The following SLA variants were observed in gnomAD, a reference collection of about 807,000 sequenced individuals.
The protein encoded by SLA is Src like adaptor, also known as src-like-adapter.
Under a neutral mutation model 30.3 loss-of-function variants are expected in SLA, and 16 were observed. The observed-to-expected ratio is 0.53, with a 90% CI of 0.36 to 0.80. The LOEUF is 0.80. Ranked by LOEUF, SLA falls within the 30% of genes least tolerant of loss-of-function variation. SLA has a pLI of 0.01. For missense variants in SLA, 310 were observed against 345.2 expected (o/e 0.90, Z 0.81); for synonymous variants, 143 against 137.8 (o/e 1.04, Z -0.26).
At chr8:133,053,596 A>G (rs1365206267) in intron 3 of SLA, among the ~76,000 whole-genome samples, 2 of 152,160 alleles carry the variant, frequency 1.3e-5, no homozygotes, top group South Asian at 4.1e-4. Flanking sequence ...ACAATAATAG[A>G]ACCTTGAGGT....
At chr8:133,075,212 G>A (rs1299044628) in intron 1 of SLA, 82 bp from the exon 2 acceptor site, 1 of 790,674 alleles carries the variant, frequency 1.3e-6, no homozygotes, top group Non-Finnish European at 1.5e-6. Context: ...TGGAATTTCA[G>A]AAGCTTGGTC....
At chr8:133,095,243 CTCTGG>C (rs1483288913) in intron 1 of SLA, 9 of 1,613,942 alleles carry the variant, frequency 5.6e-6, no homozygotes, top group Non-Finnish European at 7.6e-6. Flanking sequence ...AAGGGACATT[CTCTGG>C]TCTTTTACAA....
Position 133,049,933 on chromosome 8 carries a change from G to A in SLA, c.217C>T (p.Pro73Ser), listed in dbSNP as rs147272641. The change falls in exon 5 of 9, where the codon CCT becomes TCT. Residue 73 changes from proline (P) to serine (S), a missense_variant. Transcript: ENST00000338087. ...SLSTGRESYIPGICVARVYHG... is the reference protein window; with the variant it reads ...SLSTGRESYISGICVARVYHG... ...TAAACTCTGGCCACACATATTCCAGGGATGTAACTCTCTCGACCAGTGCTA... is the reference window on the plus strand; with the variant it reads ...TAAACTCTGGCCACACATATTCCAGAGATGTAACTCTCTCGACCAGTGCTA... The A allele has an allele frequency of 3.7e-6, 6 of 1,613,256 alleles. No individual in the cohort carries two copies. The highest frequency in any genetic ancestry group is 5.1e-6 in the Non-Finnish European group (6 of 1,179,246).
At position 133,038,346 on chromosome 8, in the gene SLA, G is replaced by C; in HGVS notation, c.*178C>G. On this transcript the variant is annotated 3_prime_UTR_variant, in exon 9 of 9. Coordinates refer to ENST00000338087, the MANE Select transcript of SLA (RefSeq NM_001045556.3). The stretch of plus-strand genomic sequence containing the variant: ...AGCCCTGATCAGACACCAGGGAGGG[G>C]TTCCTTTGGTCATGATGTGGATAGA... 1.6e-6 allele frequency: 1 copy of C among 612,604 alleles called. No individual in the cohort carries two copies. Among genetic ancestry groups the C allele is most frequent in the Non-Finnish European group, 2.9e-6 (1 of 344,850 alleles). The allele number at this position is 612,604 out of a possible 1,614,324, so 37.9% of individuals were successfully genotyped here. A position where few individuals can be genotyped will look rare whatever the true frequency, so the allele number is the denominator to read the frequency against.
In SLA at chr8:133,079,917, C is replaced by T. The variant is rs553547556; in HGVS notation, c.-318-4787G>A. Reference sequence around the variant, plus strand: ...AGATCGCATACAAGATAGAAGTTCTCGAGAGTAAAGTTTTGCCCCCTCTAT... The same window carrying T: ...AGATCGCATACAAGATAGAAGTTCTTGAGAGTAAAGTTTTGCCCCCTCTAT... On this transcript the variant is annotated intron_variant, in intron 1 of 8. Coordinates refer to ENST00000338087, the MANE Select transcript of SLA (RefSeq NM_001045556.3). Among the ~76,000 whole-genome samples, 19 of 151,780 alleles carry T rather than the reference C, an allele frequency of 1.3e-4. No homozygotes were observed. The South Asian group carries it at 3.8e-3, about 30-fold the overall frequency.
chr8:133,080,496 T>C (rs1845583716), intron 1 of SLA, among the ~76,000 whole-genome samples: 1 of 152,134 alleles, frequency 6.6e-6, no homozygotes, highest in South Asian at 2.1e-4. Flanking sequence ...TCCCCGCCAA[T>C]GCTCCCTTCC....
intron 3 of SLA, chr8:133,059,082 T>C: frequency 2.2e-6 from 1 of 456,318 alleles, no homozygotes. Flanking sequence ...CGCAGGAACC[T>C]GGCTCAGTCC....
At chr8:133,076,415 C>A (rs966537474) in intron 1 of SLA, among the ~76,000 whole-genome samples, 1 of 152,236 alleles carries the variant, frequency 6.6e-6, no homozygotes, top group Non-Finnish European at 1.5e-5. Context: ...AGGCACTCTG[C>A]ACTAGAGAGA....
chr8:133,081,699 A>G (rs1367757154), intron 1 of SLA, among the ~76,000 whole-genome samples: 1 of 150,522 alleles, frequency 6.6e-6, no homozygotes, highest in Non-Finnish European at 1.5e-5. Flanking sequence ...ACCTAGACCC[A>G]CTGCCTCCAC....
intron 1 of SLA, among the ~76,000 whole-genome samples, chr8:133,091,542 G>C (rs983753061): frequency 6.6e-6 from 1 of 152,106 alleles, no homozygotes; most frequent in Admixed American, 6.5e-5. Flanking sequence ...ATGCTGCAGG[G>C]TCCATTTCAA....
chr8:133,037,801 T>A lies in SLA; in HGVS notation c.*723A>T, dbSNP rs186452814. ...CCATGGCTGCAGACATCAGGGAAGCTGGTGCAGTTCTAGTCTCGCCTCCTC... is the reference window on the plus strand; with the variant it reads ...CCATGGCTGCAGACATCAGGGAAGCAGGTGCAGTTCTAGTCTCGCCTCCTC... On this transcript the variant is annotated 3_prime_UTR_variant, in exon 9 of 9. Coordinates refer to ENST00000338087, the MANE Select transcript of SLA (RefSeq NM_001045556.3). 1 of 152,370 alleles carries A rather than the reference T, an allele frequency of 6.6e-6. No homozygotes were observed. Among genetic ancestry groups the A allele is most frequent in the Non-Finnish European group, 1.5e-5 (1 of 68,054 alleles). 9.4% of individuals were successfully genotyped at this position (152,370 alleles called of 1,614,324 possible). A position where few individuals can be genotyped will look rare whatever the true frequency, so the allele number is the denominator to read the frequency against.
At chr8:133,040,714 C>A (rs181516608) in intron 7 of SLA, among the ~76,000 whole-genome samples, 1 of 149,952 alleles carries the variant, frequency 6.7e-6, no homozygotes, top group African/African-American at 2.5e-5. Context: ...TGAAAGAGGG[C>A]GAGGAGGAAA....
Position 133,042,678 on chromosome 8 carries a change from C to CCTTTTTTTTTTTTTTT in SLA, c.484+2305_484+2306insAAAAAAAAAAAAAAAG, listed in dbSNP as rs1554706932. 8.1e-4 allele frequency among the ~76,000 whole-genome samples: 46 copies of CCTTTTTTTTTTTTTTT among 56,764 alleles called. 6 individuals carry two copies. The highest frequency in any genetic ancestry group is 2.4e-3 in the South Asian group (4 of 1,676). 37.2% of individuals were successfully genotyped at this position (56,764 alleles called of 152,430 possible). On this transcript the variant is annotated intron_variant, in intron 7 of 8. Transcript: ENST00000338087. ...GTGCACAATTCCTCTCATTCTGTGT[C>CCTTTTTTTTTTTTTTT]TTTTTTTTTTTTTTTTTTTTTTTTT...
chr8:133,086,773 G>T (rs980205214), intron 1 of SLA, among the ~76,000 whole-genome samples: 12 of 152,096 alleles, frequency 7.9e-5, no homozygotes, highest in Non-Finnish European at 1.8e-4. Flanking sequence ...ATCCTATGGG[G>T]AAGCTCTCAA....
intron 3 of SLA, among the ~76,000 whole-genome samples, chr8:133,054,091 G>A (rs1179097098): frequency 1.3e-5 from 2 of 152,116 alleles, no homozygotes; most frequent in Non-Finnish European, 1.5e-5. Flanking sequence ...CTGAGCTTTG[G>A]TTGCTACAGA....
chr8:133,076,452 A>C (rs1212587511), intron 1 of SLA, among the ~76,000 whole-genome samples: 4 of 152,222 alleles, frequency 2.6e-5, no homozygotes, highest in Non-Finnish European at 5.9e-5. Flanking sequence ...TTGTGAAAAC[A>C]CCCGCTCAAG....
intron 8 of SLA, 43 bp downstream of exon 8, chr8:133,039,953 GCA>G (rs3835182): frequency 0.023 from 30,113 of 1,313,318 alleles, 16 homozygotes; most frequent in Middle Eastern, 0.041. Flanking sequence ...GCACTTGCAT[GCA>G]CACACACACA....
intron 7 of SLA, among the ~76,000 whole-genome samples, chr8:133,043,219 G>C (rs141222812): frequency 6.6e-6 from 1 of 152,106 alleles, no homozygotes; most frequent in Non-Finnish European, 1.5e-5. Flanking sequence ...GTCAAGCAGC[G>C]GCAGTTAGAT....
chr8:133,055,359 A>ACG (rs150703045), intron 3 of SLA, among the ~76,000 whole-genome samples: 2 of 86,752 alleles, frequency 2.3e-5, no homozygotes, highest in South Asian at 6.2e-4. Flanking sequence ...ACACACACGC[A>ACG]CGCGCGCACA....
Sources: gnomAD v4.1 joint callset for allele counts (sites outside exome capture counted in the v4.1 genomes callset) on GRCh38, gnomAD v4.1.1 for gene constraint, MANE v1.5 for transcripts, NCBI Gene and HGNC (gene_info 2026-07-23, HGNC 2026-07-21) for gene names.